Variants in CIP2A observed in about 807,000 individuals in gnomAD.
CIP2A encodes protein CIP2A.
In CIP2A, 103 loss-of-function variants were observed where a neutral mutation model predicts 110.9. That is an observed-to-expected ratio of 0.93 (90% CI 0.79 to 1.09). The LOEUF (loss-of-function observed/expected upper bound fraction) is 1.09, where lower values mean the gene tolerates loss of function less well. Ranked by LOEUF, CIP2A falls within the 50% of genes least tolerant of loss-of-function variation. The pLI is 0.00. For missense variants in CIP2A, 1,088 were observed against 1,038.4 expected, an observed-to-expected ratio of 1.05 and a Z score of -0.66; for synonymous variants, 381 against 361.6, an observed-to-expected ratio of 1.05 and a Z score of -0.61.
intron 17 of CIP2A, among the ~76,000 whole-genome samples, chr3:108,555,357 A>G (rs2107312647): frequency 6.6e-6 from 1 of 152,340 alleles, no homozygotes; most frequent in South Asian, 2.1e-4. Context: ...CCAGGGACCT[A>G]GATAGCCCTA....
chr3:108,575,330 G>A (rs572718205), intron 8 of CIP2A, among the ~76,000 whole-genome samples: 1 of 147,138 alleles, frequency 6.8e-6, no homozygotes, highest in Non-Finnish European at 1.5e-5. Flanking sequence ...GTACACACAC[G>A]TGTATATATA....
intron 2 of CIP2A, among the ~76,000 whole-genome samples, chr3:108,584,024 G>A (rs1938967929): frequency 6.6e-6 from 1 of 152,124 alleles, no homozygotes; most frequent in Non-Finnish European, 1.5e-5. Flanking sequence ...TGTTAGAAGT[G>A]GAAGAATCTT....
At chr3:108,565,243 T>C (rs1938142761) in intron 12 of CIP2A, 112 bp downstream of exon 12, 4 of 592,018 alleles carry the variant, frequency 6.8e-6, no homozygotes, top group Non-Finnish European at 1.2e-5. Context: ...TTTCTTCTCA[T>C]TGCCAATTCT....
At chr3:108,556,595 T>A (rs1215644453) in intron 17 of CIP2A, among the ~76,000 whole-genome samples, 1 of 152,170 alleles carries the variant, frequency 6.6e-6, no homozygotes, top group African/African-American at 2.4e-5. Context: ...TATCACATTT[T>A]GGAGGAAAAT....
At position 108,581,483 on chromosome 3, in the gene CIP2A, G is replaced by C. The variant is rs748725777; in HGVS notation, c.481C>G (p.Pro161Ala). 7.4e-6 allele frequency: 12 copies of C among 1,612,046 alleles called. No homozygotes were observed. The highest frequency in any genetic ancestry group is 2.2e-5 in the South Asian group (2 of 90,850). ...IQSSEDELKM[P>A]CLGLLANLCR... Reference sequence around the variant, plus strand: ...AGATTTGCCAATAATCCTAGACAAGGCATTTTTAACTCATCTTCAGAAGAT... The same window carrying C: ...AGATTTGCCAATAATCCTAGACAAGCCATTTTTAACTCATCTTCAGAAGAT... The change falls in exon 5 of 21, where the codon CCT becomes GCT. Residue 161 changes from proline (P) to alanine (A), a missense_variant. Coordinates refer to ENST00000295746, the MANE Select transcript of CIP2A (RefSeq NM_020890.3).
intron 16 of CIP2A, among the ~76,000 whole-genome samples, chr3:108,558,677 T>G (rs926877672): frequency 6.6e-6 from 1 of 151,888 alleles, no homozygotes; most frequent in East Asian, 1.9e-4. Context: ...GAGACCAGAG[T>G]AGGCTTCTGG....
Position 108,581,512 on chromosome 3 carries a change from C to A in CIP2A, c.453-1G>T. 1 of 1,590,674 alleles carries A rather than the reference C, an allele frequency of 6.3e-7. No homozygotes were observed. The highest frequency in any genetic ancestry group is 8.6e-7 in the Non-Finnish European group (1 of 1,160,574). On this transcript the variant is annotated splice_acceptor_variant, in intron 4 of 20. Coordinates refer to ENST00000295746, the MANE Select transcript of CIP2A (RefSeq NM_020890.3). LOFTEE classifies it high-confidence loss of function. ...TTTTAACTCATCTTCAGAAGATTGA[C>A]TGTTGTTTTACATTGGTGTTTTGTT...
chr3:108,585,303 G>A, intron 1 of CIP2A, 91 bp from the exon 2 acceptor site: 33 of 1,173,526 alleles, frequency 2.8e-5, no homozygotes, highest in Non-Finnish European at 3.7e-5. Flanking sequence ...CCCTCAAAGT[G>A]CCACTGCTAC....
At chr3:108,580,983 A>G (rs1159922979) in intron 5 of CIP2A, among the ~76,000 whole-genome samples, 2 of 152,182 alleles carry the variant, frequency 1.3e-5, no homozygotes, top group Non-Finnish European at 2.9e-5. Flanking sequence ...TTCATTTATC[A>G]CAAGTACTGT....
chr3:108,552,471 T>C, intron 19 of CIP2A, 98 bp from the exon 20 acceptor site: 1 of 661,788 alleles, frequency 1.5e-6, no homozygotes, highest in South Asian at 3.1e-5. Flanking sequence ...GAGAAATAAC[T>C]AGAACAAGGA....
intron 19 of CIP2A, among the ~76,000 whole-genome samples, chr3:108,553,270 G>A (rs1937641397): frequency 6.6e-6 from 1 of 151,424 alleles, no homozygotes; most frequent in African/African-American, 2.4e-5. Flanking sequence ...GGAACTACAG[G>A]TGCACACTAA....
rs762217194 is a variant in CIP2A at position 108,576,266 on chromosome 3, C to T, written c.894+5G>A. 2.0e-6 allele frequency: 3 copies of T among 1,518,122 alleles called. No homozygotes were observed. The highest frequency in any genetic ancestry group is 2.6e-5 in the South Asian group (2 of 77,798). The allele number at this position is 1,518,122 out of a possible 1,614,324, so 94.0% of individuals were successfully genotyped here. On this transcript the variant is annotated splice_donor_5th_base_variant and intron_variant, in intron 8 of 20. Transcript: ENST00000295746. ...GTTTAAATGAAAAGTCATGTTTTTACATACCTTTGAAGAGGAATCAGGATC... is the reference window on the plus strand; with the variant it reads ...GTTTAAATGAAAAGTCATGTTTTTATATACCTTTGAAGAGGAATCAGGATC...
chr3:108,563,966 T>C (rs1390580727), intron 12 of CIP2A, among the ~76,000 whole-genome samples: 2 of 152,014 alleles, frequency 1.3e-5, no homozygotes, highest in African/African-American at 4.8e-5. Flanking sequence ...ATTTTCAAAT[T>C]AGGGATGCTC....
chr3:108,581,384 A>G lies in CIP2A; in HGVS notation c.549+31T>C, dbSNP rs775061979. The stretch of plus-strand genomic sequence containing the variant: ...TTAAGCAGAGAATCTACCATAAAAC[A>G]AGAAACATTAAAAAGAAATAAACTT... On this transcript the variant is annotated intron_variant, in intron 5 of 20. Transcript: ENST00000295746. The G allele has an allele frequency of 2.8e-6, 4 of 1,449,770 alleles. 1 individual carries two copies. Among genetic ancestry groups the G allele is most frequent in the South Asian group, 2.4e-5 (2 of 83,402 alleles). The allele number at this position is 1,449,770 out of a possible 1,614,324, so 89.8% of individuals were successfully genotyped here.
At chr3:108,567,964 GA>G (rs943281397) in intron 10 of CIP2A, among the ~76,000 whole-genome samples, 190 bp downstream of exon 10, 3 of 151,094 alleles carry the variant, frequency 2.0e-5, no homozygotes, top group Admixed American at 2.0e-4. Flanking sequence ...GAAAAATAAG[GA>G]AAAAAAATCA....
chr3:108,557,590 TA>T lies in CIP2A; in HGVS notation c.2014-177del, dbSNP rs147397828. 1.6e-3 allele frequency among the ~76,000 whole-genome samples: 251 copies of T among 152,282 alleles called. 1 individual carries two copies. The highest frequency in any genetic ancestry group is 5.6e-3 in the African/African-American group (232 of 41,586). ...ACTTCTAATAAGTTGGATACTGTTATATTTTTTTAACTTAATACATTATCTG... is the reference window on the plus strand; with the variant it reads ...ACTTCTAATAAGTTGGATACTGTTATTTTTTTTAACTTAATACATTATCTG... On this transcript the variant is annotated intron_variant, in intron 16 of 20. Transcript: ENST00000295746.
chr3:108,577,586 T>C (rs780060569), intron 7 of CIP2A, among the ~76,000 whole-genome samples: 1 of 152,082 alleles, frequency 6.6e-6, no homozygotes, highest in Non-Finnish European at 1.5e-5. Flanking sequence ...GCATAAAAGG[T>C]AGCAAGAGAA....
chr3:108,568,097 C>T (rs2107334840), intron 10 of CIP2A, 58 bp downstream of exon 10: 6 of 1,310,050 alleles, frequency 4.6e-6, no homozygotes, highest in Non-Finnish European at 5.3e-6. Flanking sequence ...GAATGCAATA[C>T]TAGAAAAAAA....
chr3:108,554,653 C>A (rs183876991), intron 17 of CIP2A, among the ~76,000 whole-genome samples, 164 bp from the exon 18 acceptor site: 2 of 152,256 alleles, frequency 1.3e-5, no homozygotes, highest in East Asian at 3.9e-4. Context: ...TTCATCTACT[C>A]TAAAAGGCAG....
Sources: gnomAD v4.1 joint callset for allele counts (sites outside exome capture counted in the v4.1 genomes callset) on GRCh38, gnomAD v4.1.1 for gene constraint, MANE v1.5 for transcripts, NCBI Gene and HGNC (gene_info 2026-07-23, HGNC 2026-07-21) for gene names.